The following HOMER1 variants were observed in gnomAD, a reference collection of about 807,000 sequenced individuals.
HOMER1 encodes the protein homer protein homolog 1.
Under a neutral mutation model 48.9 loss-of-function variants are expected in HOMER1, and 3 were observed. The observed-to-expected ratio is 0.06, with a 90% CI of 0.03 to 0.16. The LOEUF (loss-of-function observed/expected upper bound fraction) is 0.16, where lower values mean the gene tolerates loss of function less well. Among genes scored for constraint, HOMER1 ranks in the 10% least tolerant of loss-of-function variants. HOMER1 has a pLI of 1.00. For missense variants in HOMER1, 247 were observed against 411.4 expected (o/e 0.60, Z 3.46); for synonymous variants, 134 against 146.4 (o/e 0.92, Z 0.61).
intron 1 of HOMER1, among the ~76,000 whole-genome samples, chr5:79,493,157 G>C (rs1242930563): frequency 6.6e-6 from 1 of 151,980 alleles, no homozygotes; most frequent in East Asian, 1.9e-4. Flanking sequence ...GACCTCAGGC[G>C]ATCGCCTGTC....
At chr5:79,505,685 G>A (rs768024957) in intron 1 of HOMER1, among the ~76,000 whole-genome samples, 2 of 152,118 alleles carry the variant, frequency 1.3e-5, no homozygotes, top group Non-Finnish European at 2.9e-5. Context: ...AGATAAAGGT[G>A]ATTTTTTAAA....
chr5:79,451,230 G>C, intron 2 of HOMER1, 109 bp from the exon 3 acceptor site: 4 of 1,034,814 alleles, frequency 3.9e-6, no homozygotes, highest in Non-Finnish European at 5.7e-6. Context: ...AAGCCACAAC[G>C]TTAAATACAT....
chr5:79,413,844 C>A (rs931059442), intron 5 of HOMER1, among the ~76,000 whole-genome samples: 1 of 151,934 alleles, frequency 6.6e-6, no homozygotes, highest in African/African-American at 2.4e-5. Flanking sequence ...AAAAGTTAAC[C>A]TTTTAAAGGA....
At chr5:79,398,886 C>T (rs530846364) in intron 6 of HOMER1, among the ~76,000 whole-genome samples, 20 of 152,294 alleles carry the variant, frequency 1.3e-4, no homozygotes, top group African/African-American at 4.6e-4. Flanking sequence ...GAAAACCACT[C>T]GGACCTAACC....
In HOMER1 at chr5:79,374,708, T is replaced by G. The variant is rs1311289437; in HGVS notation, c.*1301A>C. On this transcript the variant is annotated 3_prime_UTR_variant, in exon 9 of 9. Transcript: ENST00000334082. The stretch of plus-strand genomic sequence containing the variant: ...TAAGCAGACTAGACAGCACTTGGCT[T>G]ACTTTTAAAATAGCTTCGTAAAAGA... 1 of 152,068 alleles carries G rather than the reference T, an allele frequency of 6.6e-6. No individual in the cohort carries two copies. Among genetic ancestry groups the G allele is most frequent in the Non-Finnish European group, 1.5e-5 (1 of 67,924 alleles). The allele number at this position is 152,068 out of a possible 1,614,324, so 9.4% of individuals were successfully genotyped here. A position where few individuals can be genotyped will look rare whatever the true frequency, so the allele number is the denominator to read the frequency against.
At chr5:79,447,800 T>C (rs1750924637) in intron 3 of HOMER1, among the ~76,000 whole-genome samples, 1 of 152,154 alleles carries the variant, frequency 6.6e-6, no homozygotes, top group Admixed American at 6.5e-5. Context: ...CATAGGAAAC[T>C]ATAAAACATC....
At chr5:79,480,033 A>G (rs1167555687) in intron 1 of HOMER1, among the ~76,000 whole-genome samples, 1 of 152,244 alleles carries the variant, frequency 6.6e-6, no homozygotes, top group African/African-American at 2.4e-5. Flanking sequence ...CAAAAGTAAC[A>G]AGCGTAGTTG....
intron 1 of HOMER1, among the ~76,000 whole-genome samples, chr5:79,465,896 A>G (rs939470902): frequency 1.3e-5 from 2 of 152,000 alleles, no homozygotes. Flanking sequence ...TACATTTCTT[A>G]TATGTCACCT....
intron 5 of HOMER1, among the ~76,000 whole-genome samples, chr5:79,412,828 C>T (rs552944728): frequency 9.9e-5 from 15 of 152,200 alleles, no homozygotes; most frequent in Admixed American, 9.8e-4. Context: ...CGAGATGACA[C>T]AGATGTTGGA....
At chr5:79,486,251 C>G (rs2112350215) in intron 1 of HOMER1, among the ~76,000 whole-genome samples, 1 of 152,324 alleles carries the variant, frequency 6.6e-6, no homozygotes, top group South Asian at 2.1e-4. Context: ...CTCACAAACT[C>G]TGCCAAAATT....
At chr5:79,387,003 C>A (rs1215258028) in intron 8 of HOMER1, among the ~76,000 whole-genome samples, 2 of 137,620 alleles carry the variant, frequency 1.5e-5, no homozygotes, top group Non-Finnish European at 3.1e-5. Flanking sequence ...ACCTCCCCCT[C>A]CCCCTTCCCC....
At chr5:79,465,540 T>C (rs1305162285) in intron 1 of HOMER1, among the ~76,000 whole-genome samples, 1 of 150,014 alleles carries the variant, frequency 6.7e-6, no homozygotes, top group Non-Finnish European at 1.5e-5. Context: ...TCTTAAATTA[T>C]ATAAAAATAC....
At chr5:79,472,092 A>G (rs1358604118) in intron 1 of HOMER1, among the ~76,000 whole-genome samples, 1 of 152,154 alleles carries the variant, frequency 6.6e-6, no homozygotes, top group African/African-American at 2.4e-5. Flanking sequence ...GTAAAGTATA[A>G]TCTCCTCAAA....
intron 1 of HOMER1, among the ~76,000 whole-genome samples, chr5:79,479,143 G>A (rs888375889): frequency 1.3e-5 from 2 of 152,000 alleles, no homozygotes; most frequent in Non-Finnish European, 2.9e-5. Flanking sequence ...AACAGAAGAG[G>A]GAAAATCAAC....
intron 8 of HOMER1, among the ~76,000 whole-genome samples, chr5:79,388,342 G>C (rs1749168219): frequency 6.6e-6 from 1 of 152,146 alleles, no homozygotes; most frequent in Non-Finnish European, 1.5e-5. Context: ...GATTGTCTCT[G>C]CAAAAGAGGG....
At chr5:79,414,116 C>T (rs1561354467) in intron 5 of HOMER1, among the ~76,000 whole-genome samples, 1 of 152,032 alleles carries the variant, frequency 6.6e-6, no homozygotes, top group Non-Finnish European at 1.5e-5. Context: ...GAGATAGGGT[C>T]TGGCTTTGTT....
At chr5:79,400,449 T>C (rs1346336973) in intron 6 of HOMER1, among the ~76,000 whole-genome samples, 1 of 151,422 alleles carries the variant, frequency 6.6e-6, no homozygotes, top group Non-Finnish European at 1.5e-5. Context: ...CTCTGCCTCC[T>C]GGGCTCAAGT....
chr5:79,420,674 C>G (rs528792574), intron 5 of HOMER1, among the ~76,000 whole-genome samples: 2 of 152,316 alleles, frequency 1.3e-5, no homozygotes, highest in African/African-American at 4.8e-5. Context: ...GGAAGTATCA[C>G]ATCAGAGAAT....
intron 5 of HOMER1, among the ~76,000 whole-genome samples, chr5:79,415,776 T>A (rs746260167): frequency 2.0e-5 from 3 of 152,208 alleles, no homozygotes; most frequent in Non-Finnish European, 4.4e-5. Flanking sequence ...TTCGAAGAAT[T>A]TTATTAAACA....
Sources: gnomAD v4.1 joint callset for allele counts (sites outside exome capture counted in the v4.1 genomes callset) on GRCh38, gnomAD v4.1.1 for gene constraint, MANE v1.5 for transcripts, NCBI Gene and HGNC (gene_info 2026-07-23, HGNC 2026-07-21) for gene names.